The following MTA3 variants were observed in gnomAD, a reference collection of about 807,000 sequenced individuals.
MTA3 encodes metastasis associated 1 family member 3.
A neutral mutation model predicts 83.5 loss-of-function variants in MTA3; 34 were observed. The observed-to-expected ratio is 0.41, with a 90% CI of 0.31 to 0.54. The LOEUF (loss-of-function observed/expected upper bound fraction) is 0.54, where lower values mean the gene tolerates loss of function less well. Ranked by LOEUF, MTA3 falls within the 20% of genes least tolerant of loss-of-function variation. The pLI is 0.33. For missense variants in MTA3, 761 were observed against 726.4 expected, an observed-to-expected ratio of 1.05 and a Z score of -0.55; for synonymous variants, 303 against 252.7, an observed-to-expected ratio of 1.20 and a Z score of -1.89.
At chr2:42,713,005 G>T (rs559141503) in intron 14 of MTA3, among the ~76,000 whole-genome samples, 1 of 152,184 alleles carries the variant, frequency 6.6e-6, no homozygotes, top group Non-Finnish European at 1.5e-5. Flanking sequence ...CCAAACACCT[G>T]ATGCACACAG....
chr2:42,625,280 C>A (rs1489147523), intron 4 of MTA3, among the ~76,000 whole-genome samples: 1 of 149,714 alleles, frequency 6.7e-6, no homozygotes, highest in African/African-American at 2.5e-5. Context: ...GATCCACCCA[C>A]CTCGGCTTCT....
chr2:42,682,381 T>A lies in MTA3; in HGVS notation c.703-20T>A. ...GTTTGCATTTCTGGTTGATATTTTC[T>A]GTTCATTTTGTTTCTTTAGTTTCAC... On this transcript the variant is annotated intron_variant, in intron 8 of 16. Transcript: ENST00000405094. 6.5e-7 allele frequency: 1 copy of A among 1,539,244 alleles called. No homozygotes were observed. The highest frequency in any genetic ancestry group is 8.8e-7 in the Non-Finnish European group (1 of 1,135,330).
At chr2:42,709,226 G>A in intron 14 of MTA3, 130 bp downstream of exon 14, 5 of 1,432,608 alleles carry the variant, frequency 3.5e-6, no homozygotes, top group Non-Finnish European at 4.6e-6. Context: ...CTTTTATTTG[G>A]TTTATTTTTT....
intron 8 of MTA3, among the ~76,000 whole-genome samples, chr2:42,672,887 C>T (rs1336479829): frequency 1.4e-5 from 2 of 145,084 alleles, no homozygotes; most frequent in African/African-American, 2.6e-5. Context: ...GCCTCTGTCA[C>T]CCAGGCTGGA....
intron 12 of MTA3, among the ~76,000 whole-genome samples, chr2:42,705,887 T>G (rs1195257523): frequency 1.3e-5 from 2 of 152,228 alleles, no homozygotes; most frequent in Non-Finnish European, 2.9e-5. Flanking sequence ...TAATATAAGA[T>G]TTATCCTTAC....
intron 3 of MTA3, among the ~76,000 whole-genome samples, chr2:42,602,890 C>A (rs1195155406): frequency 6.6e-6 from 1 of 152,148 alleles, no homozygotes; most frequent in Non-Finnish European, 1.5e-5. Flanking sequence ...TCCGTTCAGA[C>A]TGATTTCTTC....
At chr2:42,626,687 C>T (rs1185433514) in intron 4 of MTA3, among the ~76,000 whole-genome samples, 1 of 152,174 alleles carries the variant, frequency 6.6e-6, no homozygotes, top group African/African-American at 2.4e-5. Flanking sequence ...GAAAATTCTT[C>T]AGGACTATCC....
At position 42,503,484 on chromosome 2, in the gene MTA3, T is replaced by A. The variant is rs141036326; in HGVS notation, c.-141+8230T>A. ...GTCTGGGAATGCAGCCCACTAGATC[T>A]CAGCCTTGTTTTACCCAGCTCCTAT... On this transcript the variant is annotated intron_variant, in intron 2 of 17. Coordinates refer to the MTA3 transcript ENST00000405592. Among the ~76,000 whole-genome samples the A allele has an allele frequency of 1.3e-3, 197 of 152,284 alleles. 1 individual carries two copies. Among genetic ancestry groups the A allele is most frequent in the African/African-American group, 4.5e-3 (188 of 41,546 alleles).
At chr2:42,526,030 C>G (rs1433688234) in intron 2 of MTA3, among the ~76,000 whole-genome samples, 4 of 152,074 alleles carry the variant, frequency 2.6e-5, no homozygotes, top group African/African-American at 9.7e-5. Flanking sequence ...CCTTGGAATC[C>G]AGAGTACCCA....
rs200873045 is a variant in MTA3 at position 42,506,288 on chromosome 2, TA to T, written c.-141+11036del. 7.4e-3 allele frequency among the ~76,000 whole-genome samples: 1,130 copies of T among 151,784 alleles called. 12 individuals carry two copies. The highest frequency in any genetic ancestry group is 0.026 in the African/African-American group (1,066 of 41,404). On this transcript the variant is annotated intron_variant, in intron 2 of 17. Transcript: ENST00000405592. Reference sequence around the variant, plus strand: ...AGTGAGACCCTGTCTCTACTAAAAATAATTTTTTAGAAATTATCTGCATGTG... The same window carrying T: ...AGTGAGACCCTGTCTCTACTAAAAATATTTTTTAGAAATTATCTGCATGTG...
intron 2 of MTA3, among the ~76,000 whole-genome samples, chr2:42,575,160 G>A (rs1192255660): frequency 6.6e-6 from 1 of 152,158 alleles, no homozygotes; most frequent in Non-Finnish European, 1.5e-5. Context: ...AAAGCACAAT[G>A]GGCTTTTGGC....
intron 16 of MTA3, among the ~76,000 whole-genome samples, chr2:42,730,146 A>G (rs1426403679): frequency 6.6e-6 from 1 of 152,220 alleles, no homozygotes; most frequent in Non-Finnish European, 1.5e-5. Context: ...TTTTCCAAAT[A>G]TAAGATCATA....
At chr2:42,512,923 C>T (rs1029320216) in intron 2 of MTA3, among the ~76,000 whole-genome samples, 2 of 152,158 alleles carry the variant, frequency 1.3e-5, no homozygotes, top group African/African-American at 4.8e-5. Flanking sequence ...CTGAGACATC[C>T]TCTACTTACA....
intron 2 of MTA3, among the ~76,000 whole-genome samples, chr2:42,506,987 C>T (rs1451027358): frequency 6.6e-6 from 1 of 152,136 alleles, no homozygotes; most frequent in African/African-American, 2.4e-5. Flanking sequence ...ACTGTTACCT[C>T]GAACTCCTAG....
chr2:42,593,706 G>GTATT (rs1240983238), intron 3 of MTA3, among the ~76,000 whole-genome samples: 1 of 65,110 alleles, frequency 1.5e-5, no homozygotes, highest in Non-Finnish European at 2.8e-5. Flanking sequence ...TTGATATGGA[G>GTATT]TCTTTATTTA....
At chr2:42,731,706 C>T (rs750047909) in intron 16 of MTA3, among the ~76,000 whole-genome samples, 6 of 152,256 alleles carry the variant, frequency 3.9e-5, no homozygotes, top group East Asian at 1.9e-4. Flanking sequence ...ATCTCATATC[C>T]TCACATTTCA....
chr2:42,714,401 A>C (rs1022544464), intron 14 of MTA3, among the ~76,000 whole-genome samples: 1 of 152,152 alleles, frequency 6.6e-6, no homozygotes, highest in African/African-American at 2.4e-5. Flanking sequence ...TAAAAAAAAA[A>C]TCATGAGTTT....
At chr2:42,528,694 C>A (rs1418101138) in intron 2 of MTA3, among the ~76,000 whole-genome samples, 4 of 152,178 alleles carry the variant, frequency 2.6e-5, no homozygotes, top group African/African-American at 9.7e-5. Context: ...GCATCAGTTT[C>A]TTCATTGATT....
chr2:42,634,525 A>G (rs901547261), intron 4 of MTA3, among the ~76,000 whole-genome samples: 2 of 152,130 alleles, frequency 1.3e-5, no homozygotes, highest in East Asian at 1.9e-4. Flanking sequence ...ACTCACTATC[A>G]TGAAACTGCC....
Sources: allele counts gnomAD v4.1 joint callset (sites outside exome capture counted in the v4.1 genomes callset), GRCh38; gene constraint gnomAD v4.1.1; transcripts MANE v1.5; gene names NCBI Gene and HGNC (gene_info 2026-07-23, HGNC 2026-07-21).